LYRM4: variants seen among roughly 807,000 people sequenced by gnomAD.
LYRM4 encodes the protein LYR motif containing 4.
A neutral mutation model predicts 11.7 loss-of-function variants in LYRM4; 9 were observed. That is an observed-to-expected ratio of 0.77 (90% CI 0.46 to 1.34). The LOEUF (loss-of-function observed/expected upper bound fraction) is 1.34, where lower values mean the gene tolerates loss of function less well. Ranked by LOEUF, LYRM4 falls within the 40% of genes most tolerant of loss-of-function variation. The pLI is 0.00. For missense variants in LYRM4, 133 were observed against 112.5 expected (o/e 1.18, Z -0.82); for synonymous variants, 42 against 40.4 (o/e 1.04, Z -0.15).
intron 1 of LYRM4, chr6:5,218,540 T>C (rs1041331848): frequency 1.4e-5 from 3 of 216,230 alleles, no homozygotes; most frequent in African/African-American, 2.3e-5. Flanking sequence ...CTAGGAATCA[T>C]AAAGGAGAAG....
At chr6:5,087,346 C>T in the LYRM4 span, 1 of 152,306 alleles carries the variant, frequency 6.6e-6, no homozygotes, top group African/African-American at 2.4e-5. Flanking sequence ...CAAATTCCTC[C>T]CCTTCGTTCC....
At chr6:5,076,863 C>A in the LYRM4 span, among the ~76,000 whole-genome samples, 2 of 152,252 alleles carry the variant, frequency 1.3e-5, no homozygotes, top group Non-Finnish European at 2.9e-5. Context: ...CTCCGTTCTT[C>A]TCTCTTCCAT....
chr6:5,195,981 C>G (rs866025902), intron 2 of LYRM4, among the ~76,000 whole-genome samples: 2 of 152,204 alleles, frequency 1.3e-5, no homozygotes, highest in Middle Eastern at 3.2e-3. Flanking sequence ...TTATATTGCA[C>G]TTAGTATGCC....
At chr6:5,118,207 C>T (rs867458567) in intron 2 of LYRM4, among the ~76,000 whole-genome samples, 2 of 151,508 alleles carry the variant, frequency 1.3e-5, no homozygotes, top group East Asian at 1.9e-4. Context: ...CTCCTCACCT[C>T]CTGTGTTCAA....
chr6:5,092,768 G>T, the LYRM4 span, among the ~76,000 whole-genome samples: 1 of 144,312 alleles, frequency 6.9e-6, no homozygotes, highest in South Asian at 2.1e-4. Context: ...GTAGGTTGAG[G>T]CATTCTGTTT....
chr6:5,101,968 C>CTTTTTTTTTTTTTTTTTTT (rs397826404), downstream of LYRM4, among the ~76,000 whole-genome samples: 387 of 67,910 alleles, frequency 5.7e-3, 69 homozygotes, highest in East Asian at 0.021. Flanking sequence ...CTAATGCTTT[C>CTTTTTTTTTTTTTTTTTTT]TTTTTTTTTT....
At chr6:5,034,767 T>TTTTTTTTTTTTTTC in the LYRM4 span, 1 of 12,624 alleles carries the variant, frequency 7.9e-5, no homozygotes, top group Non-Finnish European at 2.6e-4. Flanking sequence ...TTTTTTTTTT[T>TTTTTTTTTTTTTTC]TTTCAAAAAG....
chr6:5,228,549 A>C (rs1175912376), intron 1 of LYRM4, among the ~76,000 whole-genome samples: 2 of 152,070 alleles, frequency 1.3e-5, no homozygotes, highest in Non-Finnish European at 2.9e-5. Context: ...AAGTGCTGGG[A>C]TTATAGGCTT....
downstream of LYRM4, chr6:5,106,733 T>TATA (rs1762675029): frequency 6.6e-6 from 1 of 152,242 alleles, no homozygotes; most frequent in African/African-American, 2.4e-5. Flanking sequence ...GCTCGGCCAA[T>TATA]GAGTTCTGCC....
At chr6:5,154,725 A>G (rs773701746) in intron 2 of LYRM4, among the ~76,000 whole-genome samples, 1 of 152,190 alleles carries the variant, frequency 6.6e-6, no homozygotes, top group Non-Finnish European at 1.5e-5. Flanking sequence ...AGGCTGAGGC[A>G]GGAGAATGGC....
At position 5,153,012 on chromosome 6, in the gene LYRM4, C is replaced by T. The variant is rs76837204; in HGVS notation, c.208-43521G>A. On this transcript the variant is annotated intron_variant, in intron 2 of 2. Transcript: ENST00000330636. ...GCAGGTTCCTTAAATGAAGGCAGTA[C>T]GTACCTAATTCTGCCTCTGTGTCCC... Among the ~76,000 whole-genome samples the T allele has an allele frequency of 4.9e-3, 744 of 152,326 alleles. 13 individuals carry two copies. Among genetic ancestry groups the T allele is most frequent in the African/African-American group, 0.017 (709 of 41,568 alleles).
intron 2 of LYRM4, among the ~76,000 whole-genome samples, chr6:5,140,408 A>G (rs1299986386): frequency 6.6e-6 from 1 of 152,246 alleles, no homozygotes; most frequent in Non-Finnish European, 1.5e-5. Flanking sequence ...TAAAATTTGA[A>G]AAGATTGAAA....
the LYRM4 span, chr6:5,086,529 G>A: frequency 6.5e-7 from 1 of 1,531,470 alleles, no homozygotes; most frequent in African/African-American, 1.4e-5. Flanking sequence ...CCAACTACAC[G>A]CTGCGCTACG....
chr6:5,221,694 G>GAACA lies in LYRM4; in HGVS notation c.87-4960_87-4957dup, dbSNP rs550324271. Reference sequence around the variant, plus strand: ...GCTACAGGGCAAGACAATGTCTCAAGAACAAACAAACAAACAAACAAAAAC... The same window carrying GAACA: ...GCTACAGGGCAAGACAATGTCTCAAGAACAAACAAACAAACAAACAAACAAAAAC... On this transcript the variant is annotated intron_variant, in intron 1 of 2. Coordinates refer to ENST00000330636, the MANE Select transcript of LYRM4 (RefSeq NM_020408.6). 2.8e-3 allele frequency among the ~76,000 whole-genome samples: 424 copies of GAACA among 152,220 alleles called. 4 individuals carry two copies. The highest frequency in any genetic ancestry group is 9.0e-3 in the African/African-American group (373 of 41,522).
At chr6:5,212,375 A>G (rs1762029434) in intron 2 of LYRM4, among the ~76,000 whole-genome samples, 1 of 152,234 alleles carries the variant, frequency 6.6e-6, no homozygotes, top group South Asian at 2.1e-4. Flanking sequence ...TTCCTGATGT[A>G]AAACACCTAC....
chr6:5,120,859 T>G (rs896422951), intron 2 of LYRM4, among the ~76,000 whole-genome samples: 4 of 152,140 alleles, frequency 2.6e-5, no homozygotes, highest in African/African-American at 7.2e-5. Context: ...ACAATCCTCT[T>G]GTAAGACAGA....
At chr6:5,254,463 G>T (rs1436242568) in intron 1 of LYRM4, among the ~76,000 whole-genome samples, 1 of 152,108 alleles carries the variant, frequency 6.6e-6, no homozygotes, top group East Asian at 1.9e-4. Flanking sequence ...GATTAATAAA[G>T]ATATATTTGA....
At chr6:5,092,946 T>G in the LYRM4 span, among the ~76,000 whole-genome samples, 2 of 152,220 alleles carry the variant, frequency 1.3e-5, no homozygotes, top group Non-Finnish European at 2.9e-5. Context: ...GCATTAGGAT[T>G]GTAAAAGCAT....
intron 2 of LYRM4, among the ~76,000 whole-genome samples, chr6:5,118,115 G>GTTTTT (rs368008500): frequency 7.7e-6 from 1 of 130,494 alleles, no homozygotes. Context: ...GTTTTGTTTT[G>GTTTTT]TTTTTTTTTT....
Sources: allele counts gnomAD v4.1 joint callset (sites outside exome capture counted in the v4.1 genomes callset), GRCh38; gene constraint gnomAD v4.1.1; transcripts MANE v1.5; gene names NCBI Gene and HGNC (gene_info 2026-07-23, HGNC 2026-07-21).